Variants in TRAPPC9 observed in about 807,000 individuals in gnomAD.
TRAPPC9 encodes the protein trafficking protein particle complex subunit 9, also known as IKK2 binding protein.
TRAPPC9 carries 83 observed loss-of-function variants against 124.0 expected under a neutral mutation model. That is an observed-to-expected ratio of 0.67 (90% confidence interval 0.56 to 0.80). TRAPPC9 has a LOEUF of 0.80. TRAPPC9 is among the 30% of genes least tolerant of loss of function. The pLI, the probability that TRAPPC9 is intolerant of heterozygous loss-of-function variation, is 0.00. For missense variants in TRAPPC9, 1,302 were observed against 1,508.3 expected, an observed-to-expected ratio of 0.86 and a Z score of 2.27; for synonymous variants, 638 against 617.5, an observed-to-expected ratio of 1.03 and a Z score of -0.49.
chr8:139,846,091 A>G (rs768145582), intron 21 of TRAPPC9, among the ~76,000 whole-genome samples: 6 of 152,254 alleles, frequency 3.9e-5, no homozygotes, highest in Non-Finnish European at 8.8e-5. Flanking sequence ...CCTGGCCACG[A>G]TGGGCCTTGA....
chr8:140,232,754 G>C (rs2063630539), intron 16 of TRAPPC9, among the ~76,000 whole-genome samples: 1 of 152,136 alleles, frequency 6.6e-6, no homozygotes, highest in Non-Finnish European at 1.5e-5. Flanking sequence ...ACAAATAAAT[G>C]AACATCAATT....
At chr8:140,256,767 G>C (rs1242875963) in intron 15 of TRAPPC9, among the ~76,000 whole-genome samples, 1 of 152,122 alleles carries the variant, frequency 6.6e-6, no homozygotes. Context: ...TGGGGTCTCA[G>C]CTTCCCCTTC....
At position 140,443,131 on chromosome 8, in the gene TRAPPC9, C is replaced by CAAA. The variant is rs1177286944; in HGVS notation, c.585-3937_585-3935dup. On this transcript the variant is annotated intron_variant, in intron 2 of 22. Coordinates refer to ENST00000438773, the MANE Select transcript of TRAPPC9 (RefSeq NM_001160372.4). ...CTGGCAACGGAGCGAGACTCCATCT[C>CAAA]AAAAAAAAAAAAAAAAAAAAAAAGC... Among the ~76,000 whole-genome samples the CAAA allele has an allele frequency of 2.3e-3, 100 of 43,978 alleles. 18 individuals carry two copies. The highest frequency in any genetic ancestry group is 4.6e-3 in the African/African-American group (38 of 8,220). The allele number at this position is 43,978 out of a possible 152,430, so 28.9% of individuals were successfully genotyped here. A position where few individuals can be genotyped will look rare whatever the true frequency, so the allele number is the denominator to read the frequency against.
intron 17 of TRAPPC9, among the ~76,000 whole-genome samples, chr8:140,033,655 GTGGTTTTTTTTTT>G (rs1840644065): frequency 3.6e-5 from 2 of 55,444 alleles, no homozygotes; most frequent in African/African-American, 8.1e-5. Flanking sequence ...TCTTCATAAT[GTGGTTTTTTTTTT>G]TTTTTTTTTT....
Position 140,206,786 on chromosome 8 carries a change from G to A in TRAPPC9, c.2556+14673C>T, listed in dbSNP as rs141469902. 4.8e-3 allele frequency among the ~76,000 whole-genome samples: 722 copies of A among 150,612 alleles called. 7 individuals are homozygous for A. Among genetic ancestry groups the A allele is most frequent in the African/African-American group, 0.016 (664 of 40,470 alleles). On this transcript the variant is annotated intron_variant, in intron 17 of 22. Coordinates refer to ENST00000438773, the MANE Select transcript of TRAPPC9 (RefSeq NM_001160372.4). ...ATATATATATATATTTAAAAAGCCC[G>A]TTTCTCCTTGTTTTTGCTGAGGCTG...
chr8:139,744,933 G>T (rs1012314183), intron 21 of TRAPPC9, among the ~76,000 whole-genome samples: 1 of 152,230 alleles, frequency 6.6e-6, no homozygotes, highest in Non-Finnish European at 1.5e-5. Flanking sequence ...CTCATCGGAG[G>T]CTCTCTGCTT....
chr8:140,370,863 A>G (rs2068260405), intron 8 of TRAPPC9, 101 bp downstream of exon 8: 2 of 1,348,386 alleles, frequency 1.5e-6, no homozygotes, highest in Non-Finnish European at 2.1e-6. Flanking sequence ...TGGAGCCACC[A>G]GCACCAACCA....
In TRAPPC9 at chr8:139,852,771, C is replaced by T. The variant is rs76620804; in HGVS notation, c.3055+33108G>A. Among the ~76,000 whole-genome samples, 599 of 152,308 alleles carry T rather than the reference C, an allele frequency of 3.9e-3. 4 individuals are homozygous for T. Among genetic ancestry groups the T allele is most frequent in the African/African-American group, 0.014 (575 of 41,572 alleles). ...CCAGCTACCTTGGGCTGGCTGGGAG[C>T]TCTGGTTGGCAGATGTGTGTTTCTG... On this transcript the variant is annotated intron_variant, in intron 21 of 22. Transcript: ENST00000438773.
At chr8:140,157,483 G>A (rs2061674787) in intron 17 of TRAPPC9, among the ~76,000 whole-genome samples, 1 of 152,244 alleles carries the variant, frequency 6.6e-6, no homozygotes, top group Non-Finnish European at 1.5e-5. Flanking sequence ...GACGAAATGA[G>A]TGCAGGGGTC....
At chr8:140,159,001 T>C (rs1244906985) in intron 17 of TRAPPC9, among the ~76,000 whole-genome samples, 2 of 152,228 alleles carry the variant, frequency 1.3e-5, no homozygotes, top group East Asian at 1.9e-4. Flanking sequence ...CGCTGAAGTG[T>C]AGGCACTGAA....
intron 21 of TRAPPC9, among the ~76,000 whole-genome samples, chr8:139,795,498 C>T (rs1822988115): frequency 6.9e-6 from 1 of 145,916 alleles, no homozygotes; most frequent in Non-Finnish European, 1.5e-5. Context: ...CCCTGAGCCA[C>T]ACATGGCTTA....
intron 7 of TRAPPC9, among the ~76,000 whole-genome samples, chr8:140,376,695 G>A (rs1468279918): frequency 6.6e-6 from 1 of 151,376 alleles, no homozygotes; most frequent in Non-Finnish European, 1.5e-5. Context: ...GGCCAACATA[G>A]TGAAACCCCA....
At chr8:139,751,879 C>T (rs1203548745) in intron 21 of TRAPPC9, among the ~76,000 whole-genome samples, 1 of 151,902 alleles carries the variant, frequency 6.6e-6, no homozygotes, top group Non-Finnish European at 1.5e-5. Flanking sequence ...ACCATCTACC[C>T]ATCCATCCAT....
chr8:139,833,173 G>T (rs1826101899), intron 21 of TRAPPC9, among the ~76,000 whole-genome samples: 1 of 152,176 alleles, frequency 6.6e-6, no homozygotes, highest in Admixed American at 6.5e-5. Context: ...CTTAGAAGTA[G>T]ATTTTTCTCC....
At chr8:139,975,896 C>A (rs1202904576) in intron 19 of TRAPPC9, among the ~76,000 whole-genome samples, 2 of 150,852 alleles carry the variant, frequency 1.3e-5, no homozygotes, top group East Asian at 3.9e-4. Context: ...TAGACAAAGG[C>A]ACTAAAGCCA....
At chr8:140,115,269 G>GTTTTTTTTTTTT (rs375087383) in intron 17 of TRAPPC9, among the ~76,000 whole-genome samples, 1 of 150,518 alleles carries the variant, frequency 6.6e-6, no homozygotes. Flanking sequence ...TTGTTATAAT[G>GTTTTTTTTTTTT]GTTTTTTTTT....
chr8:140,299,667 G>A (rs1269875703), intron 11 of TRAPPC9, among the ~76,000 whole-genome samples: 3 of 152,202 alleles, frequency 2.0e-5, no homozygotes, highest in African/African-American at 2.4e-5. Flanking sequence ...AAGGGGCCTC[G>A]GGCATGTCTT....
In TRAPPC9 at chr8:140,309,130, G is replaced by A. The variant is rs147611653; in HGVS notation, c.1622+2118C>T. ...TGCCTTTTCTAATGTTTCAACAGCC[G>A]AGGGACTAAAATGTGAATGTTACAG... On this transcript the variant is annotated intron_variant, in intron 10 of 22. Transcript: ENST00000438773. Among the ~76,000 whole-genome samples the A allele has an allele frequency of 4.0e-3, 609 of 152,294 alleles. 1 individual carries two copies. Among genetic ancestry groups the A allele is most frequent in the Non-Finnish European group, 5.4e-3 (368 of 68,028 alleles).
chr8:139,967,142 G>A (rs2131591089), intron 19 of TRAPPC9, among the ~76,000 whole-genome samples: 1 of 152,230 alleles, frequency 6.6e-6, no homozygotes, highest in African/African-American at 2.4e-5. Context: ...GCTGCCTCAT[G>A]ACTTGTTTGA....
Sources: gnomAD v4.1 joint callset for allele counts (sites outside exome capture counted in the v4.1 genomes callset) on GRCh38, gnomAD v4.1.1 for gene constraint, MANE v1.5 for transcripts, NCBI Gene and HGNC (gene_info 2026-07-23, HGNC 2026-07-21) for gene names.